DNAJC7: variants seen among roughly 807,000 people sequenced by gnomAD.
DNAJC7 encodes dnaJ homolog subfamily C member 7.
A neutral mutation model predicts 67.4 loss-of-function variants in DNAJC7; 18 were observed. That is an observed-to-expected ratio of 0.27 (90% CI 0.18 to 0.40). The LOEUF (loss-of-function observed/expected upper bound fraction) is 0.40, where lower values mean the gene tolerates loss of function less well. Among genes scored for constraint, DNAJC7 ranks in the 10% least tolerant of loss-of-function variants. DNAJC7 has a pLI of 1.00. For synonymous variants in DNAJC7, 220 were observed against 207.8 expected (o/e 1.06, Z -0.50); for missense variants, 419 against 613.8 (o/e 0.68, Z 3.35).
At chr17:42,000,318 C>CA (rs782561382) in intron 2 of DNAJC7, among the ~76,000 whole-genome samples, 164 bp downstream of exon 2, 7 of 151,742 alleles carry the variant, frequency 4.6e-5, no homozygotes, top group Non-Finnish European at 8.8e-5. Flanking sequence ...GGGGTTTCGT[C>CA]ATGTTGGCCA....
chr17:41,996,823 GA>G (rs1555648724), intron 3 of DNAJC7, among the ~76,000 whole-genome samples: 4 of 152,106 alleles, frequency 2.6e-5, no homozygotes, highest in Non-Finnish European at 4.4e-5. Flanking sequence ...AACACAAAAT[GA>G]AAATGACTAC....
intron 9 of DNAJC7, 46 bp downstream of exon 9, chr17:41,987,773 G>A (rs531030962): frequency 9.9e-6 from 15 of 1,521,634 alleles, no homozygotes; most frequent in Non-Finnish European, 1.3e-5. Context: ...ATTCCCCTGA[G>A]GCCAGCGGCA....
chr17:41,989,571 A>G lies in DNAJC7; in HGVS notation c.600-14T>C. 1 of 1,613,130 alleles carries G rather than the reference A, an allele frequency of 6.2e-7. No individual in the cohort carries two copies. The highest frequency in any genetic ancestry group is 8.5e-7 in the Non-Finnish European group (1 of 1,179,438). On this transcript the variant is annotated splice_polypyrimidine_tract_variant and intron_variant, in intron 6 of 13. Coordinates refer to ENST00000457167, the MANE Select transcript of DNAJC7 (RefSeq NM_003315.4). ...CGTAGAATGTCACTGCAATAGTCAG[A>G]AAAGGGCACATTGAGCTGTGCTTTA... is the stretch of plus-strand genomic sequence containing the variant.
chr17:41,996,802 C>T (rs555228237), intron 3 of DNAJC7, among the ~76,000 whole-genome samples: 60 of 152,128 alleles, frequency 3.9e-4, no homozygotes, highest in African/African-American at 1.3e-3. Context: ...AACAAACAAA[C>T]GAACAAAACT....
chr17:42,015,521 A>G (rs2052243169), intron 1 of DNAJC7: 1 of 152,090 alleles, frequency 6.6e-6, no homozygotes, highest in Non-Finnish European at 1.5e-5. Context: ...TACATCAGAG[A>G]TTTACAATGA....
At chr17:42,006,236 C>T (rs1192697684) in intron 1 of DNAJC7, among the ~76,000 whole-genome samples, 1 of 151,678 alleles carries the variant, frequency 6.6e-6, no homozygotes, top group Admixed American at 6.6e-5. Flanking sequence ...TCATTGCAAC[C>T]CCCACGTCCT....
chr17:41,994,881 C>T lies in DNAJC7; in HGVS notation c.469G>A (p.Asp157Asn), dbSNP rs2051614410. The T allele has an allele frequency of 6.2e-7, 1 of 1,613,974 alleles. No homozygotes were observed. Among genetic ancestry groups the T allele is most frequent in the East Asian group, 2.2e-5 (1 of 44,880 alleles). ...TGGTTGTACTGTACCTTCCGAAAATCTCGCTTCTCAAAATCTGTTTCTGCT... is the reference window on the plus strand; with the variant it reads ...TGGTTGTACTGTACCTTCCGAAAATTTCGCTTCTCAAAATCTGTTTCTGCT... ...KIAETDFEKR[D>N]FRKVVFCMDR... Residue 157 changes from aspartate to asparagine, a missense_variant, in exon 5 of 14, where the codon GAT becomes AAT. Asp to Asn is a conservative substitution (Grantham distance 23). Coordinates refer to ENST00000457167, the MANE Select transcript of DNAJC7 (RefSeq NM_003315.4).
At chr17:41,992,557 A>G (rs868987283) in intron 5 of DNAJC7, 5 of 152,140 alleles carry the variant, frequency 3.3e-5, no homozygotes, top group African/African-American at 1.2e-4. Flanking sequence ...CCCCAGATGG[A>G]AAAGGAATGA....
chr17:41,981,789 T>C (rs1270111614), intron 12 of DNAJC7, 66 bp downstream of exon 12: 4 of 1,582,792 alleles, frequency 2.5e-6, no homozygotes, highest in Non-Finnish European at 3.4e-6. Context: ...CTCTGGAGCA[T>C]CTTTGGAAAA....
intron 5 of DNAJC7, among the ~76,000 whole-genome samples, chr17:41,991,024 C>CT (rs1167117602): frequency 4.6e-5 from 7 of 152,078 alleles, no homozygotes; most frequent in African/African-American, 1.7e-4. Flanking sequence ...CCCAACATGC[C>CT]ACTATACAAA....
At chr17:42,006,568 G>A (rs1312302991) in intron 1 of DNAJC7, among the ~76,000 whole-genome samples, 2 of 144,838 alleles carry the variant, frequency 1.4e-5, no homozygotes, top group Non-Finnish European at 1.5e-5. Context: ...GGAGGCCAAG[G>A]CAGGCAGATC....
At chr17:41,997,029 G>A in intron 3 of DNAJC7, 86 bp downstream of exon 3, 6 of 1,588,708 alleles carry the variant, frequency 3.8e-6, no homozygotes, top group Admixed American at 1.7e-5. Flanking sequence ...CCAAATGTCA[G>A]TAGTGTCAAG....
intron 9 of DNAJC7, chr17:41,986,052 A>AAAAAAAAAAAAAAAAAC: frequency 8.4e-6 from 1 of 119,046 alleles, no homozygotes; most frequent in Non-Finnish European, 1.7e-5. Flanking sequence ...TTGCTTAAAA[A>AAAAAAAAAAAAAAAAAC]AAAAAAAAAA....
chr17:41,990,013 T>TAAAC (rs1309966848), intron 6 of DNAJC7, among the ~76,000 whole-genome samples: 1 of 152,168 alleles, frequency 6.6e-6, no homozygotes, highest in African/African-American at 2.4e-5. Flanking sequence ...AGGACTACCT[T>TAAAC]AAACAAACAA....
At chr17:42,006,500 TA>T (rs1297441505) in intron 1 of DNAJC7, among the ~76,000 whole-genome samples, 2 of 150,116 alleles carry the variant, frequency 1.3e-5, no homozygotes, top group Non-Finnish European at 3.0e-5. Context: ...ACCCTGCCTT[TA>T]AAAAAAACAA....
intron 2 of DNAJC7, among the ~76,000 whole-genome samples, chr17:41,998,333 A>G (rs1186716768): frequency 6.6e-6 from 1 of 152,148 alleles, no homozygotes; most frequent in Non-Finnish European, 1.5e-5. Context: ...TTAGCCAAGC[A>G]TGGTGGCACA....
At chr17:42,017,095 A>G in intron 1 of DNAJC7, 1 of 1,425,038 alleles carries the variant, frequency 7.0e-7, no homozygotes, top group Non-Finnish European at 9.1e-7. Context: ...TATAAGGACG[A>G]TCGTCCTCTC....
intron 1 of DNAJC7, among the ~76,000 whole-genome samples, chr17:42,006,915 C>T (rs1010904710): frequency 2.0e-5 from 3 of 149,586 alleles, no homozygotes; most frequent in East Asian, 2.0e-4. Flanking sequence ...CTGGCTAACA[C>T]GGTGAAACCC....
At chr17:41,980,918 T>C (rs782408205) in intron 12 of DNAJC7, among the ~76,000 whole-genome samples, 4 of 152,234 alleles carry the variant, frequency 2.6e-5, no homozygotes, top group Non-Finnish European at 5.9e-5. Context: ...ACAGCCCTTA[T>C]GGCCTGTGAG....
Sources: allele counts gnomAD v4.1 joint callset (sites outside exome capture counted in the v4.1 genomes callset), GRCh38; gene constraint gnomAD v4.1.1; transcripts MANE v1.5; gene names NCBI Gene and HGNC (gene_info 2026-07-23, HGNC 2026-07-21).